The following PRG4 variants were observed in gnomAD, a reference collection of about 807,000 sequenced individuals.
The protein encoded by PRG4 is articular superficial zone protein.
A neutral mutation model predicts 91.2 loss-of-function variants in PRG4; 61 were observed. That is an observed-to-expected ratio of 0.67 (90% CI 0.54 to 0.83). PRG4 has a LOEUF of 0.83. Ranked by LOEUF, PRG4 falls within the 40% of genes least tolerant of loss-of-function variation. The pLI, the probability that PRG4 is intolerant of heterozygous loss-of-function variation, is 0.00. For synonymous variants in PRG4, 576 were observed against 614.2 expected, an observed-to-expected ratio of 0.94 and a Z score of 0.92; for missense variants, 1,564 against 1,714.2, an observed-to-expected ratio of 0.91 and a Z score of 1.55.
At chr1:186,298,124 T>C (rs1339492932) in intron 2 of PRG4, among the ~76,000 whole-genome samples, 1 of 152,236 alleles carries the variant, frequency 6.6e-6, no homozygotes, top group Non-Finnish European at 1.5e-5. Flanking sequence ...CTCACACCTG[T>C]AATCCCAGCA....
intron 3 of PRG4, among the ~76,000 whole-genome samples, chr1:186,300,630 C>T (rs1656149809): frequency 6.6e-6 from 1 of 152,198 alleles, no homozygotes; most frequent in Admixed American, 6.5e-5. Flanking sequence ...CAAAAGAATA[C>T]ATGAGCATGG....
In PRG4 at chr1:186,314,495, T is replaced by A. The variant is rs941334879; in HGVS notation, c.*717T>A. On this transcript the variant is annotated 3_prime_UTR_variant, in exon 13 of 13. Transcript: ENST00000445192. ...AGTTTACAGATTGGTAAATATCACC[T>A]GCTCAACATGTAATTATTTAATAAA... The A allele has an allele frequency of 1.7e-6, 1 of 577,702 alleles. No individual in the cohort carries two copies. The highest frequency in any genetic ancestry group is 3.6e-5 in the Admixed American group (1 of 27,626). 35.8% of individuals were successfully genotyped at this position (577,702 alleles called of 1,614,324 possible). A position where few individuals can be genotyped will look rare whatever the true frequency, so the allele number is the denominator to read the frequency against.
At chr1:186,312,525 T>C in intron 11 of PRG4, 153 bp downstream of exon 11, 3 of 854,280 alleles carry the variant, frequency 3.5e-6, no homozygotes, top group Admixed American at 2.8e-5. Context: ...CCTTAGTGAA[T>C]AACCAAAGAC....
intron 4 of PRG4, among the ~76,000 whole-genome samples, chr1:186,302,016 T>A (rs1656255055): frequency 6.6e-6 from 1 of 152,156 alleles, no homozygotes. Context: ...TCAGGTTAAA[T>A]CAACAGTAAT....
At position 186,306,541 on chromosome 1, in the gene PRG4, G is replaced by A. The variant is rs753262769; in HGVS notation, c.822G>A (p.Thr274=). The A allele has an allele frequency of 7.4e-6, 12 of 1,612,860 alleles. No individual in the cohort carries two copies. Among genetic ancestry groups the A allele is most frequent in the African/African-American group, 1.3e-5 (1 of 74,812 alleles). Residue 274 remains threonine, a synonymous_variant, in exon 7 of 13, where the codon ACG becomes ACA. Coordinates refer to ENST00000445192, the MANE Select transcript of PRG4 (RefSeq NM_005807.6). ...LPPNSDTSKE[T]SLTVNKETTV... ...CTAATTCTGATACATCTAAAGAGAC[G>A]TCTTTGACAGTGAATAAAGAGACAA... is the stretch of plus-strand genomic sequence containing the variant.
At chr1:186,311,775 C>A (rs1201795459) in intron 10 of PRG4, 179 bp downstream of exon 10, 2 of 677,718 alleles carry the variant, frequency 3.0e-6, no homozygotes, top group Non-Finnish European at 4.9e-6. Context: ...ATTTTCATTT[C>A]TTCACAGGCA....
At chr1:186,298,169 TC>T (rs1655974328) in intron 2 of PRG4, among the ~76,000 whole-genome samples, 2 of 152,250 alleles carry the variant, frequency 1.3e-5, no homozygotes, top group South Asian at 4.1e-4. Context: ...TCACCTGAGG[TC>T]TGGAGTTCAA....
chr1:186,298,104 G>C (rs1204206176), intron 2 of PRG4, among the ~76,000 whole-genome samples: 1 of 152,138 alleles, frequency 6.6e-6, no homozygotes, highest in East Asian at 1.9e-4. Context: ...AATGGGGCTG[G>C]GTGTGGTGGC....
chr1:186,306,242 T>G, intron 6 of PRG4, 76 bp from the exon 7 acceptor site: 1 of 1,216,974 alleles, frequency 8.2e-7, no homozygotes, highest in East Asian at 2.5e-5. Context: ...TAGTCAATGA[T>G]AAAGATGGGA....
intron 9 of PRG4, 79 bp downstream of exon 9, chr1:186,311,249 C>A: frequency 6.8e-7 from 1 of 1,476,124 alleles, no homozygotes; most frequent in Non-Finnish European, 9.4e-7. Flanking sequence ...ATTGCCTTAA[C>A]CTCCAATATG....
At chr1:186,313,519 G>A (rs1657437836) in intron 12 of PRG4, 162 bp from the exon 13 acceptor site, 4 of 573,650 alleles carry the variant, frequency 7.0e-6, no homozygotes, top group Admixed American at 3.1e-5. Flanking sequence ...GAAAAGTCTA[G>A]GCAATTGTTT....
chr1:186,301,753 G>T, intron 4 of PRG4, 42 bp downstream of exon 4: 1 of 1,601,366 alleles, frequency 6.2e-7, no homozygotes, highest in Non-Finnish European at 8.6e-7. Flanking sequence ...AGTACAGCCA[G>T]ATCTGTGCAC....
chr1:186,304,332 C>T, intron 5 of PRG4, 75 bp downstream of exon 5: 1 of 1,480,554 alleles, frequency 6.8e-7, no homozygotes, highest in Non-Finnish European at 9.4e-7. Flanking sequence ...TATCTAAGCC[C>T]ATTCTCAGAG....
At chr1:186,311,267 T>C in intron 9 of PRG4, 97 bp downstream of exon 9, 1 of 1,431,842 alleles carries the variant, frequency 7.0e-7, no homozygotes, top group Non-Finnish European at 9.8e-7. Flanking sequence ...ATGTGTCCTT[T>C]TAAATACTCT....
intron 5 of PRG4, 88 bp downstream of exon 5, chr1:186,304,345 C>A: frequency 7.0e-7 from 1 of 1,438,196 alleles, no homozygotes; most frequent in African/African-American, 1.4e-5. Flanking sequence ...TCTCAGAGAA[C>A]AGGGTAATCT....
Position 186,309,122 on chromosome 1 carries a change from A to G in PRG4, c.3403A>G (p.Ile1135Val), listed in dbSNP as rs747869472. The change falls in exon 7 of 13, where the codon ATC becomes GTC. Residue 1135 changes from isoleucine (I) to valine (V), a missense_variant. Coordinates refer to ENST00000445192, the MANE Select transcript of PRG4 (RefSeq NM_005807.6). Reference protein sequence around the residue: ...LPRVPNQGIIINPMLSDETNI... With the variant: ...LPRVPNQGIIVNPMLSDETNI... The stretch of plus-strand genomic sequence containing the variant: ...GAGAGTACCCAATCAAGGCATTATC[A>G]TCAATCCCATGCTTTCCGGTATTAA... The G allele has an allele frequency of 1.2e-6, 2 of 1,612,958 alleles. No individual in the cohort carries two copies. Among genetic ancestry groups the G allele is most frequent in the African/African-American group, 1.3e-5 (1 of 74,882 alleles).
intron 11 of PRG4, 45 bp from the exon 12 acceptor site, chr1:186,312,724 A>G: frequency 6.3e-7 from 1 of 1,595,144 alleles, no homozygotes; most frequent in Non-Finnish European, 8.6e-7. Context: ...AAGATAGTAC[A>G]TTGCCTTTTA....
intron 8 of PRG4, among the ~76,000 whole-genome samples, chr1:186,310,168 A>T (rs992097908): frequency 1.3e-5 from 2 of 151,904 alleles, no homozygotes; most frequent in Non-Finnish European, 2.9e-5. Context: ...TTAAAAAATA[A>T]AATAAAATTT....
Position 186,307,924 on chromosome 1 carries a change from C to G in PRG4, c.2205C>G (p.Pro735=). 1 of 1,609,598 alleles carries G rather than the reference C, an allele frequency of 6.2e-7. No individual in the cohort carries two copies. Among genetic ancestry groups the G allele is most frequent in the Non-Finnish European group, 8.5e-7 (1 of 1,178,862 alleles). Residue 735 remains proline (P), a synonymous_variant, in exon 7 of 13, where the codon CCC becomes CCG. Transcript: ENST00000445192. ...PKKPAPKELA[P]TTTKEPTSTT... The stretch of plus-strand genomic sequence containing the variant: ...AGCCTGCCCCCAAGGAGCTTGCACC[C>G]ACCACCACCAAGGAGCCCACATCCA...
Sources: gnomAD v4.1 joint callset for allele counts (sites outside exome capture counted in the v4.1 genomes callset) on GRCh38, gnomAD v4.1.1 for gene constraint, MANE v1.5 for transcripts, NCBI Gene and HGNC (gene_info 2026-07-23, HGNC 2026-07-21) for gene names.